The following TNR variants were observed in gnomAD, a reference collection of about 807,000 sequenced individuals.
The protein encoded by TNR is tenascin R.
TNR carries 45 observed loss-of-function variants against 150.4 expected under a neutral mutation model. The observed-to-expected ratio is 0.30, with a 90% CI of 0.24 to 0.38. The LOEUF (loss-of-function observed/expected upper bound fraction) is 0.38, where lower values mean the gene tolerates loss of function less well. Among genes scored for constraint, TNR ranks in the 10% least tolerant of loss-of-function variants. The pLI is 1.00. For synonymous variants in TNR, 687 were observed against 678.4 expected (o/e 1.01, Z -0.20); for missense variants, 1,544 against 1,759.1 (o/e 0.88, Z 2.19).
At chr1:175,471,625 C>G (rs914486709) in intron 2 of TNR, among the ~76,000 whole-genome samples, 3 of 152,232 alleles carry the variant, frequency 2.0e-5, no homozygotes, top group African/African-American at 7.2e-5. Flanking sequence ...ATGAATGGAG[C>G]CTGCATGAGT....
At chr1:175,459,875 G>C (rs373633769) in intron 2 of TNR, among the ~76,000 whole-genome samples, 1 of 15,502 alleles carries the variant, frequency 6.5e-5, no homozygotes, top group African/African-American at 5.9e-4. Flanking sequence ...AAGAACAAGA[G>C]AGAGAGAGAG....
chr1:175,651,473 T>C (rs902528625), intron 1 of TNR, among the ~76,000 whole-genome samples: 1 of 151,868 alleles, frequency 6.6e-6, no homozygotes, highest in African/African-American at 2.4e-5. Context: ...AAAAATAGTA[T>C]TGAAGAATTG....
intron 1 of TNR, among the ~76,000 whole-genome samples, chr1:175,639,991 C>A (rs1235304553): frequency 6.6e-6 from 1 of 152,216 alleles, no homozygotes; most frequent in Non-Finnish European, 1.5e-5. Flanking sequence ...GCAAGGACTT[C>A]TTCTGTTTAC....
chr1:175,546,253 G>A (rs1244903916), intron 1 of TNR, among the ~76,000 whole-genome samples: 2 of 152,196 alleles, frequency 1.3e-5, no homozygotes, highest in South Asian at 2.1e-4. Context: ...AAGAAGACCC[G>A]GCTGTTTCTG....
At chr1:175,647,145 T>A (rs1489168295) in intron 1 of TNR, among the ~76,000 whole-genome samples, 1 of 152,228 alleles carries the variant, frequency 6.6e-6, no homozygotes, top group Non-Finnish European at 1.5e-5. Context: ...TACAGCATCC[T>A]CCAGAAAAAT....
In TNR at chr1:175,366,029, G is replaced by A. The variant is rs1651824335; in HGVS notation, c.2163C>T (p.Thr721=). The stretch of plus-strand genomic sequence containing the variant: ...CTTCTGAGGCAATCCCAGAGGATGG[G>A]GTAAAGGTAATTCGGTAGTGGTCAA... ...GPIDHYRITF[T]PSSGIASEVT... is the part of the protein sequence containing the mutation. Residue 721 remains threonine, a synonymous_variant, in exon 11 of 23, where the codon ACC becomes ACT. Transcript: ENST00000367674. The A allele has an allele frequency of 6.2e-7, 1 of 1,614,034 alleles. No individual in the cohort carries two copies.
intron 9 of TNR, among the ~76,000 whole-genome samples, chr1:175,375,828 T>G (rs769603819): frequency 1.3e-5 from 2 of 152,198 alleles, no homozygotes; most frequent in Non-Finnish European, 2.9e-5. Flanking sequence ...GAATGGGTAT[T>G]GAGTGCTTAC....
At chr1:175,505,749 C>T (rs150764494) in intron 2 of TNR, among the ~76,000 whole-genome samples, 18 of 152,164 alleles carry the variant, frequency 1.2e-4, no homozygotes, top group African/African-American at 4.1e-4. Context: ...ATATAAGAAA[C>T]GACAGATAAG....
chr1:175,466,518 G>A lies in TNR; in HGVS notation c.-63-59741C>T, dbSNP rs112730937. Among the ~76,000 whole-genome samples, 242 of 152,308 alleles carry A rather than the reference G, an allele frequency of 1.6e-3. 1 individual carries two copies. The highest frequency in any genetic ancestry group is 1.5e-3 in the Non-Finnish European group (104 of 68,030). ...CTTGGAACAAGCACCCCTTGCAAGA[G>A]ACTGAAGTCCTGGCCCTGGATCTCT... On this transcript the variant is annotated intron_variant, in intron 2 of 22. Transcript: ENST00000367674.
At chr1:175,653,854 TTTTA>T (rs1665090354) in intron 1 of TNR, among the ~76,000 whole-genome samples, 2 of 152,220 alleles carry the variant, frequency 1.3e-5, no homozygotes, top group African/African-American at 2.4e-5. Context: ...TTTTGTTAGT[TTTTA>T]TTTAATTTCT....
chr1:175,331,078 C>CTTTCTTTCCTTCTCTTTCTTTCT, intron 20 of TNR, among the ~76,000 whole-genome samples: 1 of 59,944 alleles, frequency 1.7e-5, no homozygotes, highest in East Asian at 5.8e-4. Flanking sequence ...TCTTTCTTTC[C>CTTTCTTTCCTTCTCTTTCTTTCT]TTCTTTCTTT....
chr1:175,447,246 C>G (rs1656096604), intron 2 of TNR, among the ~76,000 whole-genome samples: 1 of 152,074 alleles, frequency 6.6e-6, no homozygotes, highest in African/African-American at 2.4e-5. Flanking sequence ...AGGGGAGAGG[C>G]CTGGTCCCTT....
chr1:175,365,838 T>C, intron 11 of TNR, 37 bp downstream of exon 11: 4 of 1,599,418 alleles, frequency 2.5e-6, no homozygotes, highest in Non-Finnish European at 3.4e-6. Context: ...GATCCACTGA[T>C]CCCTGAACCT....
At chr1:175,362,302 C>T (rs1651634327) in intron 14 of TNR, among the ~76,000 whole-genome samples, 1 of 152,150 alleles carries the variant, frequency 6.6e-6, no homozygotes, top group African/African-American at 2.4e-5. Flanking sequence ...AATAACAACC[C>T]TTTTCTTCTC....
chr1:175,642,584 G>A (rs997413013), intron 1 of TNR, among the ~76,000 whole-genome samples: 3 of 152,142 alleles, frequency 2.0e-5, no homozygotes, highest in East Asian at 1.9e-4. Flanking sequence ...CAAGGATTGC[G>A]GGGAGAGTGA....
intron 21 of TNR, among the ~76,000 whole-genome samples, chr1:175,325,258 A>G (rs1477828020): frequency 2.0e-5 from 3 of 152,240 alleles, no homozygotes; most frequent in African/African-American, 7.2e-5. Context: ...GCCAACAGAC[A>G]CATAAAAAAT....
At chr1:175,620,837 A>G (rs959885996) in intron 1 of TNR, among the ~76,000 whole-genome samples, 1 of 151,308 alleles carries the variant, frequency 6.6e-6, no homozygotes, top group Admixed American at 6.6e-5. Context: ...TGTGAGTAGA[A>G]AAAAAAAAGA....
At chr1:175,742,587 G>A (rs775962574) in intron 1 of TNR, among the ~76,000 whole-genome samples, 1 of 151,970 alleles carries the variant, frequency 6.6e-6, no homozygotes, top group Non-Finnish European at 1.5e-5. Context: ...CCCCAAAGCC[G>A]CCCCAGCCTG....
intron 2 of TNR, among the ~76,000 whole-genome samples, chr1:175,502,577 T>C (rs1658783747): frequency 1.3e-5 from 2 of 152,196 alleles, no homozygotes; most frequent in African/African-American, 4.8e-5. Context: ...CACTGCTCAA[T>C]CTTGCCTTCC....
Sources: allele counts gnomAD v4.1 joint callset (sites outside exome capture counted in the v4.1 genomes callset), GRCh38; gene constraint gnomAD v4.1.1; transcripts MANE v1.5; gene names NCBI Gene and HGNC (gene_info 2026-07-23, HGNC 2026-07-21).